Variants in HMGN3 observed in about 807,000 individuals in gnomAD.
The protein encoded by HMGN3 is high mobility group nucleosomal binding domain 3.
A neutral mutation model predicts 18.8 loss-of-function variants in HMGN3; 6 were observed. The ratio of observed to expected loss-of-function variants is 0.32; its 90% confidence interval spans 0.18 to 0.63. The LOEUF is 0.63. Ranked by LOEUF, HMGN3 falls within the 30% of genes least tolerant of loss-of-function variation. HMGN3 has a pLI of 0.79. For synonymous variants in HMGN3, 40 were observed against 36.5 expected (o/e 1.10, Z -0.35); for missense variants, 107 against 114.2 (o/e 0.94, Z 0.29).
intron 5 of HMGN3, 136 bp downstream of exon 6, chr6:79,201,927 T>G: frequency 6.9e-7 from 1 of 1,443,562 alleles, no homozygotes; most frequent in Non-Finnish European, 9.0e-7. Flanking sequence ...CATTTATTGC[T>G]TTCTGCTTTT....
intron 1 of HMGN3, among the ~76,000 whole-genome samples, chr6:79,217,872 G>A (rs1365058507): frequency 1.3e-5 from 2 of 152,216 alleles, no homozygotes; most frequent in Non-Finnish European, 2.9e-5. Flanking sequence ...GGGGATCTCA[G>A]ATGTACTTCA....
intron 1 of HMGN3, among the ~76,000 whole-genome samples, chr6:79,224,493 AT>A (rs1777463982): frequency 6.6e-6 from 1 of 152,196 alleles, no homozygotes; most frequent in Non-Finnish European, 1.5e-5. Context: ...GTTGAACAAA[AT>A]TTTAGTATTA....
At chr6:79,201,629 T>C in exon 6 of HMGN3, 4 of 1,167,334 alleles carry the variant, frequency 3.4e-6, no homozygotes, top group East Asian at 2.3e-5. Context: ...TTGGTAAAAA[T>C]AGCTTTTAAA....
At chr6:79,209,655 AT>A (rs1776586520) in intron 2 of HMGN3, among the ~76,000 whole-genome samples, 1 of 152,204 alleles carries the variant, frequency 6.6e-6, no homozygotes, top group Admixed American at 6.5e-5. Context: ...GACAGCAAAA[AT>A]GGTCAGTAGG....
rs776564233 is a variant in HMGN3, at chr6:79,208,529, T to A, written c.96+18A>T. ...GTACTCATAAGAACTAACACTGAAG[T>A]GGTTCTAAGGTACTTACCGCTGACA... On this transcript the variant is annotated intron_variant, in intron 3 of 5. Transcript: ENST00000344726. The A allele has an allele frequency of 3.8e-6, 6 of 1,599,520 alleles. No homozygotes were observed. The African/African-American group carries it at 8.0e-5, about 21-fold the overall frequency.
At chr6:79,217,312 T>G (rs900985205) in intron 1 of HMGN3, among the ~76,000 whole-genome samples, 1 of 152,214 alleles carries the variant, frequency 6.6e-6, no homozygotes, top group South Asian at 2.1e-4. Context: ...GAATGCAGGA[T>G]GTGAGCTCAA....
chr6:79,217,012 T>C (rs537805999), intron 1 of HMGN3, among the ~76,000 whole-genome samples: 2 of 152,236 alleles, frequency 1.3e-5, no homozygotes, highest in Admixed American at 6.5e-5. Flanking sequence ...AGTGGATTAG[T>C]GACAGGCAAT....
intron 2 of HMGN3, among the ~76,000 whole-genome samples, chr6:79,212,502 A>C (rs981066029): frequency 1.3e-5 from 2 of 152,184 alleles, no homozygotes; most frequent in African/African-American, 2.4e-5. Flanking sequence ...GAGAGCTTAG[A>C]ACAGTGCTTG....
At chr6:79,233,188 T>C (rs1292436088) in intron 1 of HMGN3, among the ~76,000 whole-genome samples, 1 of 152,194 alleles carries the variant, frequency 6.6e-6, no homozygotes, top group Non-Finnish European at 1.5e-5. Flanking sequence ...CCCAGCTGAA[T>C]GGGGGTAACA....
At position 79,223,173 on chromosome 6, in the gene HMGN3, G is replaced by A. The variant is rs141649410; in HGVS notation, c.16-8151C>T. 6.6e-3 allele frequency among the ~76,000 whole-genome samples: 1,009 copies of A among 152,260 alleles called. 7 individuals carry two copies. The highest frequency in any genetic ancestry group is 0.01 in the Non-Finnish European group (687 of 68,008). On this transcript the variant is annotated intron_variant, in intron 1 of 5. Coordinates refer to ENST00000344726, the Ensembl canonical transcript of HMGN3. ...GAGGGCAGATCACTTGAGGCCAGGA[G>A]TTCGAGACCAGCCTGGCCAACATGG...
chr6:79,222,841 T>C (rs754433107), intron 1 of HMGN3, among the ~76,000 whole-genome samples: 33 of 152,198 alleles, frequency 2.2e-4, no homozygotes, highest in Non-Finnish European at 4.1e-4. Context: ...TACTATGTCT[T>C]TTGTAAATGT....
rs140152395 is a variant in HMGN3, at chr6:79,214,424, A to G, written c.66+548T>C. ...CACCGTGTTAGCCAGGATGGTCTCT[A>G]TCTCCTGACCTCGTGATCCGCCCGC... is the stretch of plus-strand genomic sequence containing the variant. On this transcript the variant is annotated intron_variant, in intron 2 of 5. Coordinates refer to ENST00000344726, the Ensembl canonical transcript of HMGN3. 8.4e-3 allele frequency among the ~76,000 whole-genome samples: 1,278 copies of G among 152,094 alleles called. 24 individuals carry two copies. Among genetic ancestry groups the G allele is most frequent in the Admixed American group, 0.045 (690 of 15,282 alleles).
chr6:79,206,723 T>G lies in HMGN3; in HGVS notation c.96+1824A>C, dbSNP rs577922135. ...AGCTGTGAGAAGAGGGCCACTGCCC[T>G]CCAGACCCCAGAATGGTAGATTCAC... On this transcript the variant is annotated intron_variant, in intron 3 of 5. Transcript: ENST00000344726. Among the ~76,000 whole-genome samples, 180 of 152,280 alleles carry G rather than the reference T, an allele frequency of 1.2e-3. 2 individuals are homozygous for G. The highest frequency in any genetic ancestry group is 2.4e-3 in the Non-Finnish European group (161 of 68,018).
chr6:79,231,025 G>A (rs1433558610), intron 1 of HMGN3, among the ~76,000 whole-genome samples: 1 of 152,122 alleles, frequency 6.6e-6, no homozygotes, highest in South Asian at 2.1e-4. Context: ...GAGGCAGATG[G>A]GCTTTCCTTC....
At position 79,218,058 on chromosome 6, in the gene HMGN3, C is replaced by T. The variant is rs73764443; in HGVS notation, c.16-3036G>A. 5.1e-3 allele frequency among the ~76,000 whole-genome samples: 772 copies of T among 152,300 alleles called. 10 individuals are homozygous for T. Among genetic ancestry groups the T allele is most frequent in the African/African-American group, 0.017 (720 of 41,562 alleles). ...TGGTCAAATAAAAAGGTCTCATGCA[C>T]GTATCCACGTCTGCAAGAGACGTTT... On this transcript the variant is annotated intron_variant, in intron 1 of 5. Coordinates refer to ENST00000344726, the Ensembl canonical transcript of HMGN3.
intron 3 of HMGN3, among the ~76,000 whole-genome samples, chr6:79,206,876 G>A (rs956532955): frequency 6.6e-6 from 1 of 152,232 alleles, no homozygotes; most frequent in Non-Finnish European, 1.5e-5. Flanking sequence ...GGAAACCCAC[G>A]TCCTGCATCA....
intron 1 of HMGN3, among the ~76,000 whole-genome samples, chr6:79,229,493 A>C (rs1777730295): frequency 6.6e-6 from 1 of 152,234 alleles, no homozygotes; most frequent in Non-Finnish European, 1.5e-5. Flanking sequence ...GAATCTCTAT[A>C]AGCAAAAAAT....
intron 2 of HMGN3, among the ~76,000 whole-genome samples, chr6:79,211,363 AT>A (rs1471224475): frequency 1.3e-5 from 2 of 150,970 alleles, no homozygotes; most frequent in African/African-American, 4.9e-5. Context: ...TTAGACTGCT[AT>A]TTTTTCCTTT....
chr6:79,201,631 G>C, exon 6 of HMGN3: 1 of 1,176,650 alleles, frequency 8.5e-7, no homozygotes, highest in Non-Finnish European at 1.3e-6. Context: ...GGTAAAAATA[G>C]CTTTTAAAAG....
Sources: allele counts gnomAD v4.1 joint callset (sites outside exome capture counted in the v4.1 genomes callset), GRCh38; gene constraint gnomAD v4.1.1; transcripts MANE v1.5; gene names NCBI Gene and HGNC (gene_info 2026-07-23, HGNC 2026-07-21).